Variants in COPB1 observed in about 807,000 individuals in gnomAD.
The protein encoded by COPB1 is coatomer subunit beta.
COPB1 carries 21 observed loss-of-function variants against 108.7 expected under a neutral mutation model. That is an observed-to-expected ratio of 0.19 (90% CI 0.14 to 0.28). The LOEUF (loss-of-function observed/expected upper bound fraction) is 0.28. Ranked by LOEUF, COPB1 falls within the 10% of genes least tolerant of loss-of-function variation. COPB1 has a pLI of 1.00. For missense variants in COPB1, 919 were observed against 1,141.3 expected (o/e 0.81, Z 2.81); for synonymous variants, 378 against 386.8 (o/e 0.98, Z 0.27).
chr11:14,479,208 GAC>G (rs1420687282), intron 11 of COPB1, among the ~76,000 whole-genome samples: 1 of 152,158 alleles, frequency 6.6e-6, no homozygotes, highest in Non-Finnish European at 1.5e-5. Context: ...TGAAGGGAAA[GAC>G]AGATTTAGGT....
intron 16 of COPB1, among the ~76,000 whole-genome samples, chr11:14,466,831 GA>G (rs762081603): frequency 6.6e-6 from 1 of 152,060 alleles, no homozygotes; most frequent in Non-Finnish European, 1.5e-5. Context: ...CTTGATCTAT[GA>G]AACTCAGGAT....
chr11:14,466,424 G>T lies in COPB1; in HGVS notation c.2148C>A (p.Val716=), dbSNP rs776916050. Residue 716 remains valine (V), a splice_region_variant and synonymous_variant, in exon 17 of 22, where the codon GTC becomes GTA. Coordinates refer to ENST00000439561, the MANE Select transcript of COPB1 (RefSeq NM_001144061.2). ...GATCTGAGAAACCTGTCAATTGGGT[G>T]ACCTGTCAAAACAAAAACAAAGACA... ...ADPLASKLNK[V]TQLTGFSDPV... is the part of the protein sequence containing the mutation. The T allele has an allele frequency of 8.7e-6, 14 of 1,609,300 alleles. No individual in the cohort carries two copies. The highest frequency in any genetic ancestry group is 1.0e-5 in the Non-Finnish European group (12 of 1,178,286).
intron 5 of COPB1, among the ~76,000 whole-genome samples, chr11:14,489,207 T>C (rs1589966819): frequency 6.6e-6 from 1 of 152,044 alleles, no homozygotes; most frequent in Non-Finnish European, 1.5e-5. Context: ...ATTGCTACTA[T>C]CAAAAAAACA....
chr11:14,458,230 G>A (rs988285278), intron 21 of COPB1, among the ~76,000 whole-genome samples: 13 of 151,458 alleles, frequency 8.6e-5, no homozygotes, highest in Admixed American at 8.6e-4. Context: ...CCGGGTGTGC[G>A]CTACAACACC....
intron 19 of COPB1, 111 bp from the exon 20 acceptor site, chr11:14,460,408 G>C (rs1199508076): frequency 1.6e-6 from 1 of 635,340 alleles, no homozygotes; most frequent in Non-Finnish European, 2.7e-6. Flanking sequence ...GTTGGAAAGA[G>C]TAGACACCAA....
chr11:14,491,937 A>G (rs1850914412), intron 4 of COPB1, among the ~76,000 whole-genome samples: 1 of 152,170 alleles, frequency 6.6e-6, no homozygotes. Flanking sequence ...TCTTTTGGAA[A>G]TTTAGAAATA....
chr11:14,477,091 G>A (rs1037850947), intron 11 of COPB1, 76 bp from the exon 12 acceptor site: 4 of 1,102,284 alleles, frequency 3.6e-6, no homozygotes, highest in Non-Finnish European at 4.1e-6. Context: ...GTTAATTTAA[G>A]CTCAAATAAA....
In COPB1 at chr11:14,480,828, T is replaced by G; in HGVS notation, c.1143A>C (p.Gln381His). The change falls in exon 10 of 22, where the codon CAA (glutamine) becomes CAC (histidine). Residue 381 changes from glutamine (Q) to histidine (H), a missense_variant. By Grantham distance (24) the Gln-to-His change is conservative (BLOSUM62 0). Around this residue, in one of 5 missense-constraint regions of COPB1, gnomAD observed 705 missense variants for 817.8 expected, o/e 0.86. Coordinates refer to ENST00000439561, the MANE Select transcript of COPB1 (RefSeq NM_001144061.2). ...AGGAATGCAATGTTCGCACTAGGAGTTGTCTGTATTTGTCAGTATCTTCAT... is the reference window on the plus strand; with the variant it reads ...AGGAATGCAATGTTCGCACTAGGAGGTGTCTGTATTTGTCAGTATCTTCAT... ...SEHEDTDKYR[Q>H]LLVRTLHSCS... The G allele has an allele frequency of 6.2e-7, 1 of 1,613,852 alleles. No homozygotes were observed. Among genetic ancestry groups the G allele is most frequent in the South Asian group, 1.1e-5 (1 of 91,072 alleles).
chr11:14,487,237 T>C (rs149163337), intron 6 of COPB1, among the ~76,000 whole-genome samples: 1 of 152,342 alleles, frequency 6.6e-6, no homozygotes, highest in East Asian at 1.9e-4. Flanking sequence ...TTTCCTAAAA[T>C]ATATATAGTC....
At chr11:14,460,727 CT>C (rs974632277) in intron 19 of COPB1, among the ~76,000 whole-genome samples, 1 of 152,112 alleles carries the variant, frequency 6.6e-6, no homozygotes, top group African/African-American at 2.4e-5. Flanking sequence ...TGGTCTAGAA[CT>C]CCTGAGCACG....
intron 5 of COPB1, 52 bp downstream of exon 5, chr11:14,490,513 T>A: frequency 9.6e-7 from 1 of 1,044,764 alleles, no homozygotes; most frequent in Non-Finnish European, 1.4e-6. Context: ...TGTAATACTT[T>A]CAATTGTCAC....
intron 16 of COPB1, among the ~76,000 whole-genome samples, chr11:14,466,863 G>A (rs1357542762): frequency 6.6e-6 from 1 of 152,088 alleles, no homozygotes; most frequent in Non-Finnish European, 1.5e-5. Context: ...TCCAAATCAT[G>A]TGGTAGCCCT....
In COPB1 at chr11:14,475,880, A is replaced by C; in HGVS notation, c.1521T>G (p.Thr507=). The C allele has an allele frequency of 6.2e-7, 1 of 1,613,558 alleles. No homozygotes were observed. Among genetic ancestry groups the C allele is most frequent in the South Asian group, 1.1e-5 (1 of 90,984 alleles). The change falls in exon 13 of 22, where the codon ACT becomes ACG. Residue 507 remains threonine (T), a synonymous_variant. Transcript: ENST00000439561. Reference sequence around the variant, plus strand: ...TAACCAATTTCTGAACTGGCCCTACAGTTATTTCTTCTTCAGGTTTTAATT... The same window carrying C: ...TAACCAATTTCTGAACTGGCCCTACCGTTATTTCTTCTTCAGGTTTTAATT... ...AGELKPEEEI[T]VGPVQKLVTE... is the part of the protein sequence containing the mutation.
intron 14 of COPB1, chr11:14,474,130 T>C (rs140942379): frequency 0.016 from 2,754 of 167,644 alleles, 185 homozygotes; most frequent in Admixed American, 0.13. Context: ...AGAGACATTC[T>C]GGGATAAAAC....
intron 1 of COPB1, 47 bp from the exon 2 acceptor site, chr11:14,499,032 A>AC (rs1554965721): frequency 2.0e-5 from 19 of 931,918 alleles, no homozygotes; most frequent in African/African-American, 8.6e-5. Context: ...AAAAAAAAAA[A>AC]CCCACAAACA....
intron 12 of COPB1, among the ~76,000 whole-genome samples, chr11:14,476,469 A>G (rs1850522289): frequency 6.6e-6 from 1 of 152,222 alleles, no homozygotes; most frequent in Non-Finnish European, 1.5e-5. Flanking sequence ...GAGCACTAAG[A>G]GTATTTAATC....
At chr11:14,464,448 A>G (rs1334900450) in intron 18 of COPB1, among the ~76,000 whole-genome samples, 2 of 152,218 alleles carry the variant, frequency 1.3e-5, no homozygotes, top group Non-Finnish European at 2.9e-5. Flanking sequence ...CTTATGACAG[A>G]AATTGCAACA....
rs1850971679 is a variant in COPB1, at chr11:14,494,385, A to T, written c.146T>A (p.Ile49Asn). ...TEALKKVIIMILNGEKLPGLL... is the reference protein window; with the variant it reads ...TEALKKVIIMNLNGEKLPGLL... ...TCCAGGAAGTTTTTCACCATTCAGA[A>T]TCATAATGATTACTTTCTTCAAAGC... is the stretch of plus-strand genomic sequence containing the variant. Residue 49 changes from isoleucine to asparagine, a missense_variant, in exon 3 of 22, where the codon ATT (isoleucine) becomes AAT (asparagine). Around this residue, in one of 5 missense-constraint regions of COPB1, gnomAD observed 92 missense variants for 108.4 expected, o/e 0.85. Transcript: ENST00000439561. The T allele has an allele frequency of 6.2e-7, 1 of 1,612,598 alleles. No individual in the cohort carries two copies. The highest frequency in any genetic ancestry group is 1.1e-5 in the South Asian group (1 of 90,930).
intron 11 of COPB1, among the ~76,000 whole-genome samples, chr11:14,477,481 C>T (rs559952368): frequency 3.3e-4 from 50 of 150,360 alleles, no homozygotes; most frequent in Non-Finnish European, 4.3e-4. Flanking sequence ...CACTTGAGCC[C>T]AGGAGCTCAA....
Sources: allele counts gnomAD v4.1 joint callset (sites outside exome capture counted in the v4.1 genomes callset), GRCh38; gene constraint gnomAD v4.1.1; regional missense constraint gnomAD v4.1.1; transcripts MANE v1.5; gene names NCBI Gene and HGNC (gene_info 2026-07-23, HGNC 2026-07-21).